Variants in ADSS2 observed in about 807,000 individuals in gnomAD.
ADSS2 encodes the protein adenylosuccinate synthase 2, also known as adenylosuccinate synthetase isozyme 2.
A neutral mutation model predicts 60.0 loss-of-function variants in ADSS2; 30 were observed. The observed-to-expected ratio is 0.50, with a 90% confidence interval of 0.37 to 0.68. The LOEUF (loss-of-function observed/expected upper bound fraction) is 0.68. ADSS2 is among the 30% of genes least tolerant of loss of function. The pLI, the probability that ADSS2 is intolerant of heterozygous loss-of-function variation, is 0.00. For missense variants in ADSS2, 373 were observed against 554.8 expected, an observed-to-expected ratio of 0.67 and a Z score of 3.29; for synonymous variants, 187 against 193.1, an observed-to-expected ratio of 0.97 and a Z score of 0.26.
In ADSS2 at chr1:244,424,330, G is replaced by A; in HGVS notation, c.464C>T (p.Ala155Val). 6.2e-7 allele frequency: 1 copy of A among 1,612,576 alleles called. No homozygotes were observed. Among genetic ancestry groups the A allele is most frequent in the Middle Eastern group, 1.7e-4 (1 of 6,046 alleles). The change falls in exon 5 of 13, where the codon GCA (alanine) becomes GTA (valine). Residue 155 changes from alanine (A) to valine (V), a missense_variant. By Grantham distance (64) the Ala-to-Val change is moderately conservative. This residue lies in a region of ADSS2 where 139 missense variants were observed against 189.4 expected (regional missense o/e 0.73). Transcript: ENST00000366535. ...GIQEQQRQEQAGKNLGTTKKG... is the reference protein window; with the variant it reads ...GIQEQQRQEQVGKNLGTTKKG... ...AAAAACCCACACATACTTTTTTCCT[G>A]CTTGTTCTTGTCTCTGTTGTTCCTG... is the stretch of plus-strand genomic sequence containing the variant.
Position 244,417,740 on chromosome 1 carries a change from A to G in ADSS2, c.958T>C (p.Leu320=). The G allele has an allele frequency of 6.2e-7, 1 of 1,613,450 alleles. No homozygotes were observed. The highest frequency in any genetic ancestry group is 8.5e-7 in the Non-Finnish European group (1 of 1,179,528). The change falls in exon 10 of 13, where the codon TTA becomes CTA. Residue 320 remains leucine, a synonymous_variant. Coordinates refer to ENST00000366535, the MANE Select transcript of ADSS2 (RefSeq NM_001126.5). Reference sequence around the variant, plus strand: ...AACTCTCTACCCCTTGTTTGTAATAATTCTCCAATTTCCTACAGAACAGAA... The same window carrying G: ...AACTCTCTACCCCTTGTTTGTAATAGTTCTCCAATTTCCTACAGAACAGAA... ...PTEQDNEIGE[L]LQTRGREFGV...
intron 5 of ADSS2, 38 bp downstream of exon 5, chr1:244,424,283 G>A: frequency 6.3e-7 from 1 of 1,586,322 alleles, no homozygotes; most frequent in Non-Finnish European, 8.6e-7. Context: ...GTCTGCATAT[G>A]CTTAAACTGT....
intron 1 of ADSS2, among the ~76,000 whole-genome samples, chr1:244,441,150 T>C (rs1011223451): frequency 2.0e-5 from 3 of 151,228 alleles, no homozygotes; most frequent in African/African-American, 2.4e-5. Context: ...ACTCCGCCTC[T>C]CGGGTTCATG....
intron 11 of ADSS2, among the ~76,000 whole-genome samples, chr1:244,413,205 T>C (rs10927232): frequency 0.12 from 18,982 of 152,204 alleles, 1,512 homozygotes; most frequent in African/African-American, 0.21. Context: ...CCTCTCATGA[T>C]GCATGACACA....
chr1:244,434,015 CT>C (rs1008920993), intron 3 of ADSS2, among the ~76,000 whole-genome samples: 1 of 151,896 alleles, frequency 6.6e-6, no homozygotes. Flanking sequence ...GGGCTGTGAG[CT>C]TTCATAGCAC....
intron 4 of ADSS2, among the ~76,000 whole-genome samples, chr1:244,428,706 C>T (rs1376808552): frequency 1.3e-5 from 2 of 151,608 alleles, no homozygotes; most frequent in African/African-American, 2.4e-5. Flanking sequence ...CAAAAACCCA[C>T]AAAATCAATA....
chr1:244,415,745 C>G (rs6702738), intron 11 of ADSS2, among the ~76,000 whole-genome samples: 66,414 of 152,028 alleles, frequency 0.44, 15,420 homozygotes, highest in Non-Finnish European at 0.51. Flanking sequence ...TATGGCTAGG[C>G]TCAGAGGTCC....
In ADSS2 at chr1:244,444,179, G is replaced by C. The variant is rs527731540; in HGVS notation, c.184-6411C>G. On this transcript the variant is annotated intron_variant, in intron 1 of 12. Transcript: ENST00000366535. Reference sequence around the variant, plus strand: ...CAGTCACAAAACATCCCCTAATATAGTATATATTTTACCAATTTTCTTTGA... The same window carrying C: ...CAGTCACAAAACATCCCCTAATATACTATATATTTTACCAATTTTCTTTGA... Among the ~76,000 whole-genome samples the C allele has an allele frequency of 1.4e-4, 21 of 152,166 alleles. No individual in the cohort carries two copies. The South Asian group carries it at 3.7e-3, about 27-fold the overall frequency.
At chr1:244,419,023 A>T (rs1664613502) in intron 8 of ADSS2, 109 bp from the exon 9 acceptor site, 2 of 1,012,970 alleles carry the variant, frequency 2.0e-6, no homozygotes, top group African/African-American at 3.3e-5. Context: ...TATCTAACAG[A>T]TCTGAACTGT....
intron 11 of ADSS2, 79 bp downstream of exon 11, chr1:244,415,902 T>C (rs1664517944): frequency 9.4e-7 from 1 of 1,064,540 alleles, no homozygotes; most frequent in African/African-American, 1.6e-5. Context: ...CTATCACAAA[T>C]TATATGGAAG....
In ADSS2 at chr1:244,408,578, A is replaced by C. The variant is rs1383731558; in HGVS notation, c.*1008T>G. ...TGGCACCTAATTTAACATTTAAAAT[A>C]GTTCATTAAAAGATAATCTACAAAA... is the stretch of plus-strand genomic sequence containing the variant. On this transcript the variant is annotated 3_prime_UTR_variant, in exon 13 of 13. Coordinates refer to ENST00000366535, the MANE Select transcript of ADSS2 (RefSeq NM_001126.5). 1 of 152,658 alleles carries C rather than the reference A, an allele frequency of 6.6e-6. No individual in the cohort carries two copies. Among genetic ancestry groups the C allele is most frequent in the Non-Finnish European group, 1.5e-5 (1 of 68,022 alleles). The allele number at this position is 152,658 out of a possible 1,614,324, so 9.5% of individuals were successfully genotyped here.
chr1:244,441,642 A>C (rs1364800250), intron 1 of ADSS2, among the ~76,000 whole-genome samples: 6 of 151,910 alleles, frequency 3.9e-5, no homozygotes. Context: ...CTGCCTAACT[A>C]CAACCAGTTT....
intron 4 of ADSS2, among the ~76,000 whole-genome samples, chr1:244,428,498 A>AGAAG (rs60116651): frequency 0.064 from 9,664 of 150,642 alleles, 729 homozygotes; most frequent in East Asian, 0.41. Context: ...GAGGAAGCAA[A>AGAAG]GAAGGAAGGA....
intron 1 of ADSS2, among the ~76,000 whole-genome samples, chr1:244,444,440 G>A (rs1332986990): frequency 7.1e-6 from 1 of 141,268 alleles, no homozygotes. Flanking sequence ...GCGTGAACCC[G>A]GGAGGCGGAG....
chr1:244,436,841 AT>A lies in ADSS2; in HGVS notation c.338del (p.Asn113MetfsTer8). 6.2e-7 allele frequency: 1 copy of A among 1,611,898 alleles called. No homozygotes were observed. Among genetic ancestry groups the A allele is most frequent in the South Asian group, 1.1e-5 (1 of 90,672 alleles). On this transcript the variant is annotated frameshift_variant, in exon 3 of 13. Transcript: ENST00000366535. LOFTEE classifies it high-confidence loss of function. ...CTTTCATACCTTTTCCTTTTTGAACATTTTTCTCTGCTTCTTCAAACAATCC... is the reference window on the plus strand; with the variant it reads ...CTTTCATACCTTTTCCTTTTTGAACATTTTCTCTGCTTCTTCAAACAATCC... ...LPGLFEEAEK[N>X]VQKGKGLEGW...
chr1:244,416,332 T>C (rs541866953), intron 10 of ADSS2, among the ~76,000 whole-genome samples: 1 of 152,330 alleles, frequency 6.6e-6, no homozygotes, highest in South Asian at 2.1e-4. Context: ...TTTTTGATCG[T>C]TTTGAGACAG....
chr1:244,418,872 C>T lies in ADSS2; in HGVS notation c.833G>A (p.Gly278Asp). The T allele has an allele frequency of 6.2e-7, 1 of 1,613,482 alleles. No individual in the cohort carries two copies. The highest frequency in any genetic ancestry group is 8.5e-7 in the Non-Finnish European group (1 of 1,179,692). Residue 278 changes from glycine (G) to aspartate (D), a missense_variant, in exon 9 of 13, where the codon GGT becomes GAT. Coordinates refer to ENST00000366535, the MANE Select transcript of ADSS2 (RefSeq NM_001126.5). ...FVTSSNCTVG[G>D]VCTGLGMPPQ... ...TGGCATACCCAAACCAGTACAAACA[C>T]CTCCAACAGTACAATTTGAAGAGGT...
chr1:244,441,918 TGCACTCCAGCCTGG>T (rs1558280132), intron 1 of ADSS2, among the ~76,000 whole-genome samples: 1 of 152,142 alleles, frequency 6.6e-6, no homozygotes, highest in Non-Finnish European at 1.5e-5. Context: ...ATCACGCCAC[TGCACTCCAGCCTGG>T]GCCACAGAAC....
intron 4 of ADSS2, among the ~76,000 whole-genome samples, chr1:244,426,571 TAGCTAAGTTTA>T (rs1664808299): frequency 1.3e-5 from 2 of 152,212 alleles, no homozygotes; most frequent in Non-Finnish European, 1.5e-5. Flanking sequence ...TGTGCACCTT[TAGCTAAGTTTA>T]TTAACAGCAT....
Sources: gnomAD v4.1 joint callset for allele counts (sites outside exome capture counted in the v4.1 genomes callset) on GRCh38, gnomAD v4.1.1 for gene constraint, gnomAD v4.1.1 regional missense constraint, MANE v1.5 for transcripts, NCBI Gene and HGNC (gene_info 2026-07-23, HGNC 2026-07-21) for gene names.